CFAP53: variants seen among roughly 807,000 people sequenced by gnomAD.
The protein encoded by CFAP53 is cilia- and flagella-associated protein 53.
CFAP53 carries 62 observed loss-of-function variants against 59.7 expected under a neutral mutation model. The ratio of observed to expected loss-of-function variants is 1.04; its 90% CI spans 0.85 to 1.28. The LOEUF (loss-of-function observed/expected upper bound fraction) is 1.28, where lower values mean the gene tolerates loss of function less well. Ranked by LOEUF, CFAP53 falls within the 50% of genes most tolerant of loss-of-function variation. CFAP53 has a pLI of 0.00. For synonymous variants in CFAP53, 218 were observed against 205.7 expected, an observed-to-expected ratio of 1.06 and a Z score of -0.51; for missense variants, 629 against 615.6, an observed-to-expected ratio of 1.02 and a Z score of -0.23.
chr18:50,262,098 G>A lies in CFAP53; in HGVS notation c.191C>T (p.Ala64Val), dbSNP rs893189973. Residue 64 changes from alanine to valine, a missense_variant, in exon 2 of 8, where the codon GCT becomes GTT. Ala to Val is a moderately conservative substitution (Grantham distance 64). Coordinates refer to ENST00000398545, the MANE Select transcript of CFAP53 (RefSeq NM_145020.5). ...IKSSERDRLKAEWDQHNDCKI... is the reference protein window; with the variant it reads ...IKSSERDRLKVEWDQHNDCKI... ...GCAGTCATTGTGCTGGTCCCACTCA[G>A]CTTTCAAGCGATCCCGCTCACTTGA... 1 of 1,614,214 alleles carries A rather than the reference G, an allele frequency of 6.2e-7. No individual in the cohort carries two copies. Among genetic ancestry groups the A allele is most frequent in the Admixed American group, 1.7e-5 (1 of 60,028 alleles).
At chr18:50,232,265 A>T (rs2033590654) in intron 7 of CFAP53, among the ~76,000 whole-genome samples, 1 of 152,136 alleles carries the variant, frequency 6.6e-6, no homozygotes, top group Admixed American at 6.5e-5. Context: ...TAACTCTCAA[A>T]CCCTCAAAAA....
intron 4 of CFAP53, 75 bp downstream of exon 4, chr18:50,251,406 G>T: frequency 7.6e-7 from 1 of 1,317,808 alleles, no homozygotes; most frequent in Non-Finnish European, 1.1e-6. Flanking sequence ...CAGACAAACT[G>T]TACTGTAACA....
intron 1 of CFAP53, 42 bp downstream of exon 1, chr18:50,266,294 T>C (rs375508815): frequency 1.3e-5 from 20 of 1,594,814 alleles, no homozygotes; most frequent in Middle Eastern, 1.7e-4. Context: ...TGCGGAGAGA[T>C]GGAGAAAGCT....
At chr18:50,256,292 T>G (rs1044173745) in intron 3 of CFAP53, 1 of 152,154 alleles carries the variant, frequency 6.6e-6, no homozygotes, top group Non-Finnish European at 1.5e-5. Flanking sequence ...CCACAGCATC[T>G]TTTCCCCCCA....
intron 3 of CFAP53, among the ~76,000 whole-genome samples, chr18:50,253,095 C>T (rs2033816515): frequency 6.6e-6 from 1 of 151,944 alleles, no homozygotes. Context: ...CGGCTCACTG[C>T]AAGCTCTGCC....
At chr18:50,237,304 C>CAA (rs143356494) in intron 7 of CFAP53, among the ~76,000 whole-genome samples, 166 of 9,352 alleles carry the variant, frequency 0.018, 50 homozygotes, top group Non-Finnish European at 0.034. Context: ...GACTCCATCT[C>CAA]AAAAAAAAAA....
intron 7 of CFAP53, among the ~76,000 whole-genome samples, chr18:50,238,251 C>T (rs149572151): frequency 3.6e-4 from 55 of 152,134 alleles, no homozygotes; most frequent in African/African-American, 1.1e-3. Context: ...TGTTGAAAAT[C>T]TGTTTTAGTT....
chr18:50,266,318 G>A lies in CFAP53; in HGVS notation c.69+18C>T. The A allele has an allele frequency of 6.2e-7, 1 of 1,613,088 alleles. No homozygotes were observed. The highest frequency in any genetic ancestry group is 8.5e-7 in the Non-Finnish European group (1 of 1,178,964). On this transcript the variant is annotated intron_variant, in intron 1 of 7. Coordinates refer to ENST00000398545, the MANE Select transcript of CFAP53 (RefSeq NM_145020.5). ...ATGGAGAAAGCTGTAGGGTCTGGCAGACATATCCTGTGCTTACCACGATCA... is the reference window on the plus strand; with the variant it reads ...ATGGAGAAAGCTGTAGGGTCTGGCAAACATATCCTGTGCTTACCACGATCA...
chr18:50,239,907 A>G (rs1433060211), intron 6 of CFAP53, among the ~76,000 whole-genome samples: 2 of 152,252 alleles, frequency 1.3e-5, no homozygotes, highest in South Asian at 2.1e-4. Flanking sequence ...GTCTCAATAA[A>G]TTTTCCATGT....
chr18:50,259,430 G>C (rs1260622645), intron 3 of CFAP53, among the ~76,000 whole-genome samples: 3 of 150,628 alleles, frequency 2.0e-5, no homozygotes, highest in Non-Finnish European at 4.4e-5. Flanking sequence ...AGATAGAGAA[G>C]GATGGTTACC....
At chr18:50,260,786 A>G (rs2033884843) in intron 3 of CFAP53, among the ~76,000 whole-genome samples, 1 of 152,180 alleles carries the variant, frequency 6.6e-6, no homozygotes, top group South Asian at 2.1e-4. Context: ...CTTTTGAAGA[A>G]CTTCCTGCCA....
chr18:50,242,391 C>T (rs1321070092), intron 6 of CFAP53, among the ~76,000 whole-genome samples: 4 of 152,134 alleles, frequency 2.6e-5, no homozygotes, highest in Non-Finnish European at 5.9e-5. Flanking sequence ...GAAATCTTCA[C>T]AATTTATGTT....
At chr18:50,263,547 T>C (rs531514694) in intron 1 of CFAP53, among the ~76,000 whole-genome samples, 6 of 152,324 alleles carry the variant, frequency 3.9e-5, no homozygotes, top group South Asian at 4.1e-4. Context: ...GGTTATATCA[T>C]GGAAAGTAGC....
At chr18:50,235,337 AG>A (rs1422831417) in intron 7 of CFAP53, among the ~76,000 whole-genome samples, 1 of 152,130 alleles carries the variant, frequency 6.6e-6, no homozygotes, top group Non-Finnish European at 1.5e-5. Flanking sequence ...AGGCTGAGGC[AG>A]GTGGATCACC....
intron 3 of CFAP53, among the ~76,000 whole-genome samples, chr18:50,260,017 G>A (rs909998021): frequency 6.6e-6 from 1 of 152,222 alleles, no homozygotes; most frequent in Middle Eastern, 3.2e-3. Context: ...GGTAAGGAAT[G>A]TCTTGGTTTG....
intron 3 of CFAP53, among the ~76,000 whole-genome samples, chr18:50,255,228 C>A (rs2033836248): frequency 6.6e-6 from 1 of 152,154 alleles, no homozygotes; most frequent in Non-Finnish European, 1.5e-5. Context: ...ATATAACATT[C>A]TTAAAATGAT....
At chr18:50,238,755 TG>T (rs1351265106) in intron 6 of CFAP53, 50 bp from the exon 7 acceptor site, 1 of 1,347,516 alleles carries the variant, frequency 7.4e-7, no homozygotes, top group East Asian at 2.3e-5. Context: ...AGACAAGAAT[TG>T]CCAACATCTT....
At position 50,240,279 on chromosome 18, in the gene CFAP53, A is replaced by C. The variant is rs552077446; in HGVS notation, c.1214-1574T>G. 1.3e-3 allele frequency among the ~76,000 whole-genome samples: 197 copies of C among 150,894 alleles called. 1 individual carries two copies. Among genetic ancestry groups the C allele is most frequent in the African/African-American group, 4.6e-3 (187 of 40,976 alleles). On this transcript the variant is annotated intron_variant, in intron 6 of 7. Coordinates refer to ENST00000398545, the MANE Select transcript of CFAP53 (RefSeq NM_145020.5). ...TCACCTACCCCACCCTGATTCATTC[A>C]GATTACCTGCTCCACCCTAACTCAT...
rs1449749710 is a variant in CFAP53, at chr18:50,261,069, T to C, written c.468A>G (p.Gln156=). 2.5e-6 allele frequency: 4 copies of C among 1,593,602 alleles called. No homozygotes were observed. The highest frequency in any genetic ancestry group is 3.4e-6 in the Non-Finnish European group (4 of 1,175,272). The change falls in exon 3 of 8, where the codon CAA becomes CAG. Residue 156 remains glutamine, a synonymous_variant. Transcript: ENST00000398545. ...GTGTTTTCTGATTTCATTACCTGAA[T>C]TGCTGGTCTAGCTTTTCAGCCACAA... The part of the protein sequence containing the change: ...QDFVAEKLDQ[Q]FRERCEELRV...
Sources: gnomAD v4.1 joint callset for allele counts (sites outside exome capture counted in the v4.1 genomes callset) on GRCh38, gnomAD v4.1.1 for gene constraint, MANE v1.5 for transcripts, NCBI Gene and HGNC (gene_info 2026-07-23, HGNC 2026-07-21) for gene names.